Variants in GRM8 observed in about 807,000 individuals in gnomAD.
The protein encoded by GRM8 is metabotropic glutamate receptor 8.
A neutral mutation model predicts 87.2 loss-of-function variants in GRM8; 47 were observed. The observed-to-expected ratio is 0.54, with a 90% CI of 0.43 to 0.69. The LOEUF (loss-of-function observed/expected upper bound fraction) is 0.69, where lower values mean the gene tolerates loss of function less well. GRM8 is among the 30% of genes least tolerant of loss of function. The probability of loss-of-function intolerance (pLI) is 0.00; values close to 1 mark genes in which losing one functional copy is unlikely to be tolerated. For missense variants in GRM8, 1,019 were observed against 1,139.2 expected (o/e 0.89, Z 1.52); for synonymous variants, 396 against 404.5 (o/e 0.98, Z 0.25).
At chr7:126,907,411 C>A (rs1473403075) in intron 3 of GRM8, among the ~76,000 whole-genome samples, 1 of 151,774 alleles carries the variant, frequency 6.6e-6, no homozygotes, top group Non-Finnish European at 1.5e-5. Context: ...TATAATAAGC[C>A]CTGTGAGGAA....
At chr7:127,115,845 A>G (rs191131949) in intron 2 of GRM8, among the ~76,000 whole-genome samples, 5 of 152,320 alleles carry the variant, frequency 3.3e-5, no homozygotes, top group African/African-American at 7.2e-5. Flanking sequence ...GGCTGGGCCC[A>G]GTGGCTTTCA....
chr7:126,731,930 T>C (rs1044794996), intron 7 of GRM8, among the ~76,000 whole-genome samples: 9 of 152,144 alleles, frequency 5.9e-5, no homozygotes, highest in Admixed American at 3.3e-4. Flanking sequence ...AAAGCAATAC[T>C]GTAAAGAATT....
intron 9 of GRM8, among the ~76,000 whole-genome samples, chr7:126,531,566 T>C (rs905223689): frequency 1.3e-5 from 2 of 152,240 alleles, no homozygotes; most frequent in Non-Finnish European, 2.9e-5. Context: ...TCCATTTCAC[T>C]GTGAAATTCT....
intron 7 of GRM8, among the ~76,000 whole-genome samples, chr7:126,612,118 G>A (rs1033854350): frequency 2.0e-5 from 3 of 152,108 alleles, no homozygotes; most frequent in African/African-American, 4.8e-5. Context: ...CCACCTCAGA[G>A]GGATATATAA....
intron 6 of GRM8, among the ~76,000 whole-genome samples, chr7:126,831,802 C>T (rs1261217935): frequency 1.8e-4 from 27 of 152,046 alleles, no homozygotes; most frequent in Admixed American, 1.0e-3. Context: ...AGCTGTAGAC[C>T]GGAGCTGTTC....
At chr7:127,082,140 C>G (rs1822939011) in intron 3 of GRM8, 1 of 152,224 alleles carries the variant, frequency 6.6e-6, no homozygotes, top group Non-Finnish European at 1.5e-5. Flanking sequence ...CGCTCTTTGC[C>G]TTCTTTCATT....
chr7:126,666,971 T>A (rs1193918567), intron 7 of GRM8, among the ~76,000 whole-genome samples: 1 of 152,158 alleles, frequency 6.6e-6, no homozygotes, highest in Non-Finnish European at 1.5e-5. Flanking sequence ...TGTATTGCCT[T>A]TAAGAAAAAC....
At chr7:126,589,218 T>C (rs952262259) in intron 8 of GRM8, among the ~76,000 whole-genome samples, 1 of 152,126 alleles carries the variant, frequency 6.6e-6, no homozygotes, top group Admixed American at 6.5e-5. Context: ...GGGAGGCTGG[T>C]AGCCTGGGGC....
intron 7 of GRM8, among the ~76,000 whole-genome samples, chr7:126,763,335 TTTC>T (rs201335934): frequency 0.015 from 2,326 of 150,944 alleles, 27 homozygotes; most frequent in Non-Finnish European, 0.022. Context: ...TGGATAATAC[TTTC>T]TTATGTGGAA....
intron 3 of GRM8, among the ~76,000 whole-genome samples, chr7:126,955,295 C>T (rs1328060088): frequency 6.6e-6 from 1 of 152,130 alleles, no homozygotes; most frequent in Non-Finnish European, 1.5e-5. Context: ...ACCTCTCCCA[C>T]CTTCATTTCT....
intron 3 of GRM8, among the ~76,000 whole-genome samples, chr7:127,096,526 C>G (rs1299515866): frequency 6.6e-6 from 1 of 151,348 alleles, no homozygotes; most frequent in Non-Finnish European, 1.5e-5. Context: ...TGCCACTGCA[C>G]TTCAGCCTGA....
chr7:126,746,546 G>A (rs564308749), intron 7 of GRM8, among the ~76,000 whole-genome samples: 3 of 151,466 alleles, frequency 2.0e-5, no homozygotes, highest in East Asian at 1.9e-4. Context: ...GTATTAAAAC[G>A]CATTCACCAG....
chr7:127,160,741 G>C (rs1038473473), intron 2 of GRM8, among the ~76,000 whole-genome samples: 4 of 152,096 alleles, frequency 2.6e-5, no homozygotes, highest in African/African-American at 9.7e-5. Flanking sequence ...TGAATTGAGG[G>C]AGGATCAGAA....
At chr7:126,472,775 T>C (rs536644801) in intron 9 of GRM8, among the ~76,000 whole-genome samples, 21 of 152,328 alleles carry the variant, frequency 1.4e-4, no homozygotes, top group Middle Eastern at 6.8e-3. Context: ...AATGGTTTCC[T>C]GGGCAGAGCC....
rs915064315 is a variant in GRM8, at chr7:127,129,108, A to G, written c.511-22396T>C. On this transcript the variant is annotated intron_variant, in intron 2 of 10. Transcript: ENST00000339582. ...GAATAAATGATATGTAGGAATGTCT[A>G]TAAGTATGTCAAAATTTCATGCATC... Among the ~76,000 whole-genome samples, 19 of 152,320 alleles carry G rather than the reference A, an allele frequency of 1.2e-4. No individual in the cohort carries two copies. The South Asian group carries it at 1.7e-3, about 13-fold the overall frequency.
intron 7 of GRM8, among the ~76,000 whole-genome samples, chr7:126,649,911 C>T (rs553478652): frequency 2.0e-5 from 3 of 152,282 alleles, no homozygotes; most frequent in Admixed American, 6.5e-5. Flanking sequence ...GGAGAAGATA[C>T]GGATTGTATT....
At chr7:126,761,785 C>T (rs1035702342) in intron 7 of GRM8, among the ~76,000 whole-genome samples, 7 of 152,124 alleles carry the variant, frequency 4.6e-5, no homozygotes, top group African/African-American at 1.4e-4. Context: ...AATGCTCTTC[C>T]CTGTCTTCAA....
Position 126,907,396 on chromosome 7 carries a change from T to C in GRM8, c.728-2713A>G, listed in dbSNP as rs561331336. On this transcript the variant is annotated intron_variant, in intron 3 of 10. Coordinates refer to ENST00000339582, the MANE Select transcript of GRM8 (RefSeq NM_000845.3). ...CAGAAGAAGAAATAATACATAATTA[T>C]AAATTATAATAAGCCCTGTGAGGAA... 3.3e-5 allele frequency among the ~76,000 whole-genome samples: 5 copies of C among 152,104 alleles called. No homozygotes were observed. The East Asian group carries it at 7.7e-4, about 24-fold the overall frequency.
chr7:127,037,503 T>C (rs1356169074), intron 3 of GRM8, among the ~76,000 whole-genome samples: 1 of 152,190 alleles, frequency 6.6e-6, no homozygotes, highest in Non-Finnish European at 1.5e-5. Flanking sequence ...TGCTCTGTTC[T>C]TGCCCCCACT....
Sources: gnomAD v4.1 joint callset for allele counts (sites outside exome capture counted in the v4.1 genomes callset) on GRCh38, gnomAD v4.1.1 for gene constraint, MANE v1.5 for transcripts, NCBI Gene and HGNC (gene_info 2026-07-23, HGNC 2026-07-21) for gene names.